PDE4D: variants seen among roughly 807,000 people sequenced by gnomAD.
The protein encoded by PDE4D is 3',5'-cyclic-AMP phosphodiesterase 4D.
PDE4D carries 24 observed loss-of-function variants against 87.4 expected under a neutral mutation model. The observed-to-expected ratio is 0.27, with a 90% confidence interval of 0.20 to 0.39. The LOEUF (loss-of-function observed/expected upper bound fraction) is 0.39. Among genes scored for constraint, PDE4D ranks in the 10% least tolerant of loss-of-function variants. The pLI is 1.00. For missense variants in PDE4D, 714 were observed against 1,041.0 expected, an observed-to-expected ratio of 0.69 and a Z score of 4.32; for synonymous variants, 384 against 383.2, an observed-to-expected ratio of 1.00 and a Z score of -0.02.
intron 1 of PDE4D, among the ~76,000 whole-genome samples, chr5:59,366,287 G>A (rs1783042676): frequency 6.6e-6 from 1 of 152,002 alleles, no homozygotes. Context: ...TTGAAGGGTG[G>A]ACTTTGTACA....
intron 1 of PDE4D, among the ~76,000 whole-genome samples, chr5:59,620,331 G>A (rs1830200102): frequency 6.6e-6 from 1 of 152,182 alleles, no homozygotes; most frequent in African/African-American, 2.4e-5. Flanking sequence ...ATCCTGGCTT[G>A]TTATCTCCTG....
chr5:59,019,775 G>C (rs114867287), intron 6 of PDE4D, among the ~76,000 whole-genome samples: 3,412 of 149,952 alleles, frequency 0.023, 123 homozygotes, highest in African/African-American at 0.075. Context: ...CTACAGGACA[G>C]GAACATAATG....
At chr5:59,515,339 A>T (rs1810968475) in intron 1 of PDE4D, among the ~76,000 whole-genome samples, 1 of 152,182 alleles carries the variant, frequency 6.6e-6, no homozygotes, top group Admixed American at 6.5e-5. Context: ...TTAGAAATGC[A>T]GGTTCTCAGT....
At chr5:59,980,621 C>G (rs1255979192) in intron 3 of PDE4D, among the ~76,000 whole-genome samples, 1 of 152,156 alleles carries the variant, frequency 6.6e-6, no homozygotes, top group Non-Finnish European at 1.5e-5. Flanking sequence ...TACTGACACA[C>G]AGATATAAAG....
At chr5:59,654,752 C>A (rs997002657) in intron 1 of PDE4D, among the ~76,000 whole-genome samples, 4 of 152,030 alleles carry the variant, frequency 2.6e-5, no homozygotes, top group African/African-American at 9.7e-5. Flanking sequence ...CCCCCTCCAA[C>A]CCTAGGCAAT....
At chr5:59,348,315 C>T (rs1582091534) in intron 1 of PDE4D, among the ~76,000 whole-genome samples, 1 of 152,192 alleles carries the variant, frequency 6.6e-6, no homozygotes, top group East Asian at 1.9e-4. Flanking sequence ...GATAGAAACA[C>T]TGTATAGAGT....
rs1582807212 is a variant in PDE4D at position 60,132,489 on chromosome 5, T to C, written c.42+53068A>G. Among the ~76,000 whole-genome samples the C allele has an allele frequency of 6.6e-5, 10 of 152,244 alleles. No homozygotes were observed. The South Asian group carries it at 2.1e-3, about 32-fold the overall frequency. Reference sequence around the variant, plus strand: ...TGGTAAATTTAACTATAATTATATTTCAGTAAAAAATAATAGAATCAGTAT... The same window carrying C: ...TGGTAAATTTAACTATAATTATATTCCAGTAAAAAATAATAGAATCAGTAT... On this transcript the variant is annotated intron_variant, in intron 2 of 16. Coordinates refer to the PDE4D transcript ENST00000502484.
chr5:60,492,195 G>T (rs1329315822), upstream of PDE4D, among the ~76,000 whole-genome samples: 1 of 150,394 alleles, frequency 6.6e-6, no homozygotes, highest in Non-Finnish European at 1.5e-5. Context: ...CAGCCCTTTA[G>T]AAGGCCAAGG....
In PDE4D at chr5:59,127,620, A is replaced by ACCCCCCC. The variant is rs1561532508; in HGVS notation, c.808+52974_808+52975insGGGGGGG. Among the ~76,000 whole-genome samples, 4 of 19,374 alleles carry ACCCCCCC rather than the reference A, an allele frequency of 2.1e-4. No homozygotes were observed. The East Asian group carries it at 0.01, about 50-fold the overall frequency. The allele number at this position is 19,374 out of a possible 152,430, so 12.7% of individuals were successfully genotyped here. On this transcript the variant is annotated intron_variant, in intron 5 of 14. Coordinates refer to ENST00000340635, the MANE Select transcript of PDE4D (RefSeq NM_001104631.2). ...TTCCCTCCCCACCCCCCCACCCCCC[A>ACCCCCCC]CCTCACCCCCCACACTCCAGCACCG...
chr5:60,207,596 TA>T (rs1742698444), intron 1 of PDE4D, among the ~76,000 whole-genome samples: 1 of 152,236 alleles, frequency 6.6e-6, no homozygotes, highest in Non-Finnish European at 1.5e-5. Flanking sequence ...CAAATAGGAA[TA>T]ATGTATTTTT....
Position 59,215,959 on chromosome 5 carries a change from C to A in PDE4D, c.465G>T (p.Val155=). The change falls in exon 2 of 15, where the codon GTG becomes GTT. Residue 155 remains valine (V), a synonymous_variant. Coordinates refer to ENST00000340635, the MANE Select transcript of PDE4D (RefSeq NM_001104631.2). Reference sequence around the variant, plus strand: ...TCCGTCCCGCAGATGTGCCATTGTCCACATCAAAACTGTAAAGGAAGGAGA... The same window carrying A: ...TCCGTCCCGCAGATGTGCCATTGTCAACATCAAAACTGTAAAGGAAGGAGA... ...SSFQGLRRFD[V]DNGTSAGRSP... is the part of the protein sequence containing the mutation. The A allele has an allele frequency of 6.2e-7, 1 of 1,609,008 alleles. No individual in the cohort carries two copies. Among genetic ancestry groups the A allele is most frequent in the Non-Finnish European group, 8.5e-7 (1 of 1,176,692 alleles).
At chr5:59,152,706 T>C (rs888373002) in intron 5 of PDE4D, among the ~76,000 whole-genome samples, 6 of 152,136 alleles carry the variant, frequency 3.9e-5, no homozygotes, top group Admixed American at 6.5e-5. Flanking sequence ...AACCCAACTG[T>C]AGGCTTTAGG....
rs150837124 is a variant in PDE4D at position 60,265,973 on chromosome 5, G to A, written c.-89-80286C>T. On this transcript the variant is annotated intron_variant, in intron 1 of 16. Transcript: ENST00000502484. Reference sequence around the variant, plus strand: ...CAGAAGCTACAGAACTGCAAAGAGCGTTGGTCCCTCCTGAGATGGCAGACA... The same window carrying A: ...CAGAAGCTACAGAACTGCAAAGAGCATTGGTCCCTCCTGAGATGGCAGACA... 6.0e-3 allele frequency among the ~76,000 whole-genome samples: 911 copies of A among 152,244 alleles called. 7 individuals are homozygous for A. The highest frequency in any genetic ancestry group is 0.021 in the African/African-American group (858 of 41,556).
chr5:59,930,566 A>G (rs1435322825), intron 3 of PDE4D, among the ~76,000 whole-genome samples: 1 of 152,204 alleles, frequency 6.6e-6, no homozygotes, highest in Non-Finnish European at 1.5e-5. Flanking sequence ...GAGCTGTGAG[A>G]GAATAAATTT....
intron 2 of PDE4D, among the ~76,000 whole-genome samples, chr5:60,089,674 G>T (rs1168507695): frequency 6.7e-6 from 1 of 150,374 alleles, no homozygotes; most frequent in Non-Finnish European, 1.5e-5. Context: ...TTAGTAGAAG[G>T]AAAGAAATAA....
In PDE4D at chr5:59,901,965, C is replaced by T. The variant is rs1191753837; in HGVS notation, c.272+86523G>A. On this transcript the variant is annotated intron_variant, in intron 3 of 16. Coordinates refer to the PDE4D transcript ENST00000502484. ...ACACACACACACACACACACACACA[C>T]ACACACACACACGGAGACATGCACC... 5.4e-5 allele frequency among the ~76,000 whole-genome samples: 7 copies of T among 128,978 alleles called. No homozygotes were observed. The East Asian group carries it at 1.4e-3, about 26-fold the overall frequency. 84.6% of individuals were successfully genotyped at this position (128,978 alleles called of 152,430 possible).
chr5:59,897,722 T>C (rs1246097852), upstream of PDE4D, among the ~76,000 whole-genome samples: 2 of 152,094 alleles, frequency 1.3e-5, no homozygotes, highest in Non-Finnish European at 1.5e-5. Context: ...ATACATTCTA[T>C]GTATACTTGA....
chr5:59,096,607 T>C (rs1334085489), intron 5 of PDE4D, among the ~76,000 whole-genome samples: 3 of 152,052 alleles, frequency 2.0e-5, no homozygotes, highest in Non-Finnish European at 1.5e-5. Context: ...CCTGGAAAGG[T>C]ATGGCACTAG....
chr5:59,546,942 A>T (rs1817369326), intron 1 of PDE4D, among the ~76,000 whole-genome samples: 1 of 152,142 alleles, frequency 6.6e-6, no homozygotes, highest in African/African-American at 2.4e-5. Flanking sequence ...CTAGTATCAA[A>T]GCTAACGTCA....
Sources: gnomAD v4.1 joint callset for allele counts (sites outside exome capture counted in the v4.1 genomes callset) on GRCh38, gnomAD v4.1.1 for gene constraint, MANE v1.5 for transcripts, NCBI Gene and HGNC (gene_info 2026-07-23, HGNC 2026-07-21) for gene names.